The following LRRFIP2 variants were observed in gnomAD, a reference collection of about 807,000 sequenced individuals.
The protein encoded by LRRFIP2 is leucine-rich repeat flightless-interacting protein 2.
In LRRFIP2, 109 loss-of-function variants were observed where a neutral mutation model predicts 125.9. That is an observed-to-expected ratio of 0.87 (90% CI 0.74 to 1.01). The LOEUF (loss-of-function observed/expected upper bound fraction) is 1.01, where lower values mean the gene tolerates loss of function less well. Ranked by LOEUF, LRRFIP2 falls within the 50% of genes least tolerant of loss-of-function variation. The pLI is 0.00. For missense variants in LRRFIP2, 850 were observed against 862.3 expected, an observed-to-expected ratio of 0.99 and a Z score of 0.18; for synonymous variants, 291 against 293.1, an observed-to-expected ratio of 0.99 and a Z score of 0.07.
chr3:37,168,094 G>GA (rs997923208), intron 1 of LRRFIP2, among the ~76,000 whole-genome samples: 1 of 152,172 alleles, frequency 6.6e-6, no homozygotes, highest in Admixed American at 6.5e-5. Context: ...AGCCACTGTG[G>GA]AAAATAGTAT....
At chr3:37,100,387 C>CATGT (rs2093966418) in intron 15 of LRRFIP2, among the ~76,000 whole-genome samples, 3 of 151,400 alleles carry the variant, frequency 2.0e-5, no homozygotes, top group Admixed American at 2.0e-4. Context: ...TGTATACATA[C>CATGT]ATACATACAT....
intron 2 of LRRFIP2, among the ~76,000 whole-genome samples, chr3:37,141,271 C>T (rs553167927): frequency 5.9e-5 from 9 of 152,324 alleles, no homozygotes; most frequent in African/African-American, 2.2e-4. Context: ...AGGATTTACC[C>T]TTTAATGGCT....
intron 1 of LRRFIP2, among the ~76,000 whole-genome samples, chr3:37,162,134 T>G (rs2096362751): frequency 1.8e-5 from 2 of 111,300 alleles, no homozygotes; most frequent in African/African-American, 3.6e-5. Flanking sequence ...CCAGCCTGGG[T>G]GACAAAGTGA....
chr3:37,082,581 A>G (rs1576282250), intron 19 of LRRFIP2, among the ~76,000 whole-genome samples: 3 of 152,278 alleles, frequency 2.0e-5, no homozygotes, highest in South Asian at 4.2e-4. Flanking sequence ...TGTACATTCT[A>G]TGGTTTTGGA....
In LRRFIP2 at chr3:37,166,845, C is replaced by T. The variant is rs2096501356; in HGVS notation, c.-56+7694G>A. 2.6e-5 allele frequency among the ~76,000 whole-genome samples: 4 copies of T among 151,890 alleles called. No homozygotes were observed. In the South Asian group the frequency reaches 8.3e-4, roughly 32 times the overall value. ...ACCAGCCTGGTCAACATGGAGAAAC[C>T]CCATCTCTACTGTAAATACAAAATT... On this transcript the variant is annotated intron_variant, in intron 1 of 27. Transcript: ENST00000336686.
intron 2 of LRRFIP2, among the ~76,000 whole-genome samples, chr3:37,147,031 T>C (rs1469691782): frequency 6.6e-6 from 1 of 150,716 alleles, no homozygotes; most frequent in Non-Finnish European, 1.5e-5. Context: ...AAAAAAAAAC[T>C]CCATTAAAAA....
At chr3:37,067,399 T>A (rs779554487) in intron 21 of LRRFIP2, 1 of 152,248 alleles carries the variant, frequency 6.6e-6, no homozygotes, top group Non-Finnish European at 1.5e-5. Context: ...TATGCAGGAA[T>A]CTGATTACTG....
At chr3:37,102,042 A>C (rs1012087455) in intron 15 of LRRFIP2, among the ~76,000 whole-genome samples, 13 of 152,236 alleles carry the variant, frequency 8.5e-5, no homozygotes, top group African/African-American at 3.1e-4. Flanking sequence ...ACACTTTACT[A>C]AGTGCTATAT....
At chr3:37,159,311 C>T (rs147568278) in intron 1 of LRRFIP2, among the ~76,000 whole-genome samples, 2 of 152,286 alleles carry the variant, frequency 1.3e-5, no homozygotes, top group African/African-American at 4.8e-5. Flanking sequence ...TAAGGGTTTA[C>T]TTTCTGGATA....
At position 37,159,455 on chromosome 3, in the gene LRRFIP2, G is replaced by A. The variant is rs1577817687; in HGVS notation, c.-55-10417C>T. ...AATTTTTTGTTCTTTAACACTGTTT[G>A]GCTATTCTGGGCCCTTTACATTCCC... On this transcript the variant is annotated intron_variant, in intron 1 of 27. Transcript: ENST00000336686. 2.0e-5 allele frequency among the ~76,000 whole-genome samples: 3 copies of A among 152,214 alleles called. No homozygotes were observed. The East Asian group carries it at 5.8e-4, about 29-fold the overall frequency.
chr3:37,131,103 C>G (rs1267891825), intron 2 of LRRFIP2, among the ~76,000 whole-genome samples: 1 of 152,064 alleles, frequency 6.6e-6, no homozygotes, highest in African/African-American at 2.4e-5. Context: ...CTACTATCCA[C>G]AGTTTCAGGC....
Position 37,072,889 on chromosome 3 carries a change from A to G in LRRFIP2, c.1372-7T>C. 6.3e-7 allele frequency: 1 copy of G among 1,586,146 alleles called. No individual in the cohort carries two copies. Among genetic ancestry groups the G allele is most frequent in the Non-Finnish European group, 8.6e-7 (1 of 1,158,110 alleles). On this transcript the variant is annotated splice_polypyrimidine_tract_variant and splice_region_variant and intron_variant, in intron 20 of 27. Transcript: ENST00000336686. Reference sequence around the variant, plus strand: ...GCTGCATGCGCTGCTTCTCCTGCAGAGGAAGAGGGGAAGAGAAGTAATAAA... The same window carrying G: ...GCTGCATGCGCTGCTTCTCCTGCAGGGGAAGAGGGGAAGAGAAGTAATAAA...
chr3:37,174,394 T>C (rs997424352), intron 1 of LRRFIP2, 145 bp downstream of exon 1: 9 of 152,344 alleles, frequency 5.9e-5, no homozygotes, highest in Admixed American at 1.3e-4. Flanking sequence ...ACAACTTCAA[T>C]ACACACTTTC....
intron 25 of LRRFIP2, among the ~76,000 whole-genome samples, chr3:37,057,698 G>C (rs56017085): frequency 0.012 from 1,785 of 152,166 alleles, 22 homozygotes; most frequent in African/African-American, 0.04. Context: ...GCCTATCTCA[G>C]AAGGTTTAGA....
intron 16 of LRRFIP2, among the ~76,000 whole-genome samples, chr3:37,095,665 T>C (rs1160244741): frequency 2.0e-5 from 3 of 152,144 alleles, no homozygotes; most frequent in African/African-American, 7.2e-5. Context: ...AGGTGGAGTC[T>C]CGCTGTTGCC....
At chr3:37,100,302 G>A (rs527984834) in intron 15 of LRRFIP2, among the ~76,000 whole-genome samples, 12 of 148,034 alleles carry the variant, frequency 8.1e-5, no homozygotes, top group Non-Finnish European at 1.6e-4. Flanking sequence ...TCCAGCCTGC[G>A]AGACAGAGCG....
chr3:37,126,174 C>T (rs756366923), intron 4 of LRRFIP2, among the ~76,000 whole-genome samples: 3 of 152,210 alleles, frequency 2.0e-5, no homozygotes, highest in East Asian at 1.9e-4. Flanking sequence ...GGATTACAGG[C>T]GCCCGCCAGC....
At chr3:37,114,366 G>A (rs2094681364) in intron 7 of LRRFIP2, among the ~76,000 whole-genome samples, 1 of 152,162 alleles carries the variant, frequency 6.6e-6, no homozygotes, top group Non-Finnish European at 1.5e-5. Flanking sequence ...ACACCTGCCA[G>A]CTTTGTGACA....
intron 4 of LRRFIP2, among the ~76,000 whole-genome samples, chr3:37,125,914 T>C (rs908113250): frequency 6.6e-6 from 1 of 152,228 alleles, no homozygotes; most frequent in African/African-American, 2.4e-5. Flanking sequence ...GAGACAAAGA[T>C]AAATGAGCAG....
Sources: gnomAD v4.1 joint callset for allele counts (sites outside exome capture counted in the v4.1 genomes callset) on GRCh38, gnomAD v4.1.1 for gene constraint, MANE v1.5 for transcripts, NCBI Gene and HGNC (gene_info 2026-07-23, HGNC 2026-07-21) for gene names.